The following MYO1D variants were observed in gnomAD, a reference collection of about 807,000 sequenced individuals.
MYO1D encodes the protein unconventional myosin-Id.
Under a neutral mutation model 122.0 loss-of-function variants are expected in MYO1D, and 83 were observed. That is an observed-to-expected ratio of 0.68 (90% CI 0.57 to 0.82). MYO1D has a LOEUF of 0.82. Among genes scored for constraint, MYO1D ranks in the 40% least tolerant of loss-of-function variants. The probability of loss-of-function intolerance (pLI) is 0.00; values close to 1 mark genes in which losing one functional copy is unlikely to be tolerated. For synonymous variants in MYO1D, 464 were observed against 446.9 expected (o/e 1.04, Z -0.48); for missense variants, 1,157 against 1,269.5 (o/e 0.91, Z 1.35).
intron 17 of MYO1D, among the ~76,000 whole-genome samples, chr17:32,657,524 G>A (rs778040578): frequency 3.3e-5 from 5 of 152,262 alleles, no homozygotes; most frequent in Admixed American, 6.5e-5. Context: ...GCAGAACCCT[G>A]GACTAGATGG....
chr17:32,527,695 G>T (rs1910385498), intron 21 of MYO1D, among the ~76,000 whole-genome samples: 2 of 152,152 alleles, frequency 1.3e-5, no homozygotes, highest in East Asian at 3.8e-4. Flanking sequence ...CTACTCAGGA[G>T]GCTGAGGTGG....
rs139716852 is a variant in MYO1D, at chr17:32,580,140, T to C, written c.2864+24947A>G. ...TTATCCAAAATGGACAAACCAGTTA[T>C]CCAAAAATTATGCAATAGAGTTAAA... is the stretch of plus-strand genomic sequence containing the variant. On this transcript the variant is annotated intron_variant, in intron 21 of 21. Transcript: ENST00000318217. 7.2e-5 allele frequency among the ~76,000 whole-genome samples: 11 copies of C among 152,260 alleles called. No individual in the cohort carries two copies. The East Asian group carries it at 2.1e-3, about 29-fold the overall frequency.
In MYO1D at chr17:32,659,170, T is replaced by G; in HGVS notation, c.2290A>C (p.Ser764Arg). Residue 764 changes from serine (S) to arginine (R), a missense_variant, in exon 17 of 22, where the codon AGC becomes CGC. Ser to Arg is a moderately radical substitution (Grantham distance 110). Transcript: ENST00000318217. ...RDYGKHVKWP[S>R]PPKVLRRFEE... is the part of the protein sequence containing the mutation. ...AAACGGCGAAGAACTTTAGGAGGGC[T>G]TGGCCACTTCACGTGCTTCCCGTAG... 2 of 1,614,182 alleles carry G rather than the reference T, an allele frequency of 1.2e-6. No homozygotes were observed. The highest frequency in any genetic ancestry group is 1.7e-6 in the Non-Finnish European group (2 of 1,180,024).
intron 1 of MYO1D, among the ~76,000 whole-genome samples, chr17:32,805,224 T>C (rs1420183219): frequency 6.6e-6 from 1 of 152,230 alleles, no homozygotes; most frequent in East Asian, 1.9e-4. Context: ...ACTTTCCAAA[T>C]TCCAGAACTG....
chr17:32,748,548 A>T (rs950271400), intron 12 of MYO1D, among the ~76,000 whole-genome samples: 6 of 152,134 alleles, frequency 3.9e-5, no homozygotes, highest in African/African-American at 1.4e-4. Context: ...ATTCTTCATT[A>T]TAGTGACCTT....
intron 21 of MYO1D, among the ~76,000 whole-genome samples, chr17:32,538,318 T>C (rs942920342): frequency 2.6e-5 from 4 of 151,788 alleles, no homozygotes; most frequent in African/African-American, 9.7e-5. Context: ...TCTAGCTCTG[T>C]TGCTCAGGCT....
chr17:32,808,104 G>A (rs762199367), intron 1 of MYO1D, among the ~76,000 whole-genome samples: 9 of 152,054 alleles, frequency 5.9e-5, no homozygotes, highest in Non-Finnish European at 1.3e-4. Flanking sequence ...AGAACTGATG[G>A]GTCATAGAAT....
intron 16 of MYO1D, among the ~76,000 whole-genome samples, chr17:32,676,912 G>A (rs1051363992): frequency 1.4e-4 from 21 of 151,706 alleles, no homozygotes; most frequent in South Asian, 4.2e-4. Context: ...CCAGGTTCAC[G>A]CCATTCTCCT....
Position 32,605,122 on chromosome 17 carries a change from T to C in MYO1D, c.2829A>G (p.Gly943=), listed in dbSNP as rs773520234. The C allele has an allele frequency of 1.2e-6, 2 of 1,604,170 alleles. No individual in the cohort carries two copies. Among genetic ancestry groups the C allele is most frequent in the Non-Finnish European group, 1.7e-6 (2 of 1,172,438 alleles). The change falls in exon 21 of 22, where the codon GGA becomes GGG. Residue 943 remains glycine (G), a synonymous_variant. Coordinates refer to ENST00000318217, the MANE Select transcript of MYO1D (RefSeq NM_015194.3). ...GATTCACCAGCACTCCAACAAGTTC[T>C]CCAATTCGACTCTCATGGGTTGGCT... ...SKQPTHESRI[G]ELVGVLVNHF...
chr17:32,742,419 T>C (rs1345303477), intron 13 of MYO1D, among the ~76,000 whole-genome samples: 2 of 152,218 alleles, frequency 1.3e-5, no homozygotes, highest in African/African-American at 2.4e-5. Flanking sequence ...GCCTGGGCTA[T>C]ATTAGTTCAC....
chr17:32,576,660 G>GTGAA (rs1056758952), intron 21 of MYO1D, among the ~76,000 whole-genome samples: 2 of 152,010 alleles, frequency 1.3e-5, no homozygotes, highest in African/African-American at 2.4e-5. Context: ...TTATGAATGA[G>GTGAA]TGAATGAATG....
At chr17:32,776,249 A>G (rs914736811) in intron 3 of MYO1D, among the ~76,000 whole-genome samples, 1 of 152,236 alleles carries the variant, frequency 6.6e-6, no homozygotes, top group Non-Finnish European at 1.5e-5. Context: ...AGGTGCTAAA[A>G]AGAATGAGGT....
chr17:32,689,972 C>T lies in MYO1D; in HGVS notation c.2121+22016G>A, dbSNP rs184363606. Among the ~76,000 whole-genome samples the T allele has an allele frequency of 7.6e-4, 115 of 152,204 alleles. 2 individuals carry two copies. Among genetic ancestry groups the T allele is most frequent in the African/African-American group, 2.6e-3 (108 of 41,528 alleles). Reference sequence around the variant, plus strand: ...AACTCCTGACCTCAGGTTATCCACCCGCCACAGTCTCCCAAAGTGTTGGGA... The same window carrying T: ...AACTCCTGACCTCAGGTTATCCACCTGCCACAGTCTCCCAAAGTGTTGGGA... On this transcript the variant is annotated intron_variant, in intron 16 of 21. Transcript: ENST00000318217.
intron 21 of MYO1D, among the ~76,000 whole-genome samples, chr17:32,532,563 T>C (rs897852576): frequency 2.0e-5 from 3 of 151,878 alleles, no homozygotes; most frequent in Non-Finnish European, 4.4e-5. Flanking sequence ...CCGTCTCTAC[T>C]AAAAATACAA....
intron 21 of MYO1D, among the ~76,000 whole-genome samples, chr17:32,529,461 A>G (rs1316140316): frequency 6.6e-6 from 1 of 152,204 alleles, no homozygotes; most frequent in Non-Finnish European, 1.5e-5. Flanking sequence ...ATACAGAGTA[A>G]GGGATGCTAG....
intron 16 of MYO1D, among the ~76,000 whole-genome samples, chr17:32,709,048 A>T (rs536936834): frequency 9.9e-5 from 15 of 152,262 alleles, no homozygotes; most frequent in Non-Finnish European, 1.6e-4. Flanking sequence ...TGGCTAGCAG[A>T]GCTGCCACAG....
intron 14 of MYO1D, among the ~76,000 whole-genome samples, chr17:32,734,396 T>A (rs2089672747): frequency 6.6e-6 from 1 of 152,110 alleles, no homozygotes; most frequent in East Asian, 1.9e-4. Flanking sequence ...TTATTAGAGG[T>A]CTTATTGATT....
chr17:32,644,823 G>T lies in MYO1D; in HGVS notation c.2596-5988C>A, dbSNP rs567275156. 3.9e-5 allele frequency among the ~76,000 whole-genome samples: 6 copies of T among 152,224 alleles called. No homozygotes were observed. In the South Asian group the frequency reaches 1.0e-3, roughly 26 times the overall value. Reference sequence around the variant, plus strand: ...CTGTGTGTCTCTACATGTAAGATGGGTTTCTTGAATACAGTACCCTGATGG... The same window carrying T: ...CTGTGTGTCTCTACATGTAAGATGGTTTTCTTGAATACAGTACCCTGATGG... On this transcript the variant is annotated intron_variant, in intron 19 of 21. Coordinates refer to ENST00000318217, the MANE Select transcript of MYO1D (RefSeq NM_015194.3).
intron 21 of MYO1D, among the ~76,000 whole-genome samples, chr17:32,584,603 C>T (rs2087370038): frequency 6.6e-6 from 1 of 151,924 alleles, no homozygotes; most frequent in Non-Finnish European, 1.5e-5. Flanking sequence ...CTGCCTGCCT[C>T]AGCCTTTGGA....
Sources: gnomAD v4.1 joint callset for allele counts (sites outside exome capture counted in the v4.1 genomes callset) on GRCh38, gnomAD v4.1.1 for gene constraint, MANE v1.5 for transcripts, NCBI Gene and HGNC (gene_info 2026-07-23, HGNC 2026-07-21) for gene names.